The following SYNDIG1L variants were observed in gnomAD, a reference collection of about 807,000 sequenced individuals.
The protein encoded by SYNDIG1L is synapse differentiation inducing 1 like, also known as synapse differentiation-inducing gene protein 1-like.
In SYNDIG1L, 13 loss-of-function variants were observed where a neutral mutation model predicts 20.1. That is an observed-to-expected ratio of 0.65 (90% CI 0.42 to 1.03). The LOEUF (loss-of-function observed/expected upper bound fraction) is 1.03. Ranked by LOEUF, SYNDIG1L falls within the 50% of genes least tolerant of loss-of-function variation. SYNDIG1L has a pLI of 0.00. For synonymous variants in SYNDIG1L, 128 were observed against 129.3 expected (o/e 0.99, Z 0.07); for missense variants, 294 against 305.1 (o/e 0.96, Z 0.27).
At chr14:74,462,488 G>GA in the SYNDIG1L span, among the ~76,000 whole-genome samples, 3 of 147,508 alleles carry the variant, frequency 2.0e-5, no homozygotes, top group South Asian at 2.2e-4. Flanking sequence ...TATCTCAAAA[G>GA]AAAAAAAAAA....
chr14:74,431,820 G>A, the SYNDIG1L span, among the ~76,000 whole-genome samples: 1 of 152,174 alleles, frequency 6.6e-6, no homozygotes, highest in East Asian at 1.9e-4. Flanking sequence ...CAACTTCTCC[G>A]CTAGATCAGG....
At chr14:74,408,947 T>C (rs964623970) in intron 2 of SYNDIG1L, among the ~76,000 whole-genome samples, 1 of 152,184 alleles carries the variant, frequency 6.6e-6, no homozygotes, top group Non-Finnish European at 1.5e-5. Context: ...CGGCTGTACA[T>C]GTGTCCCAAG....
chr14:74,467,346 G>T, the SYNDIG1L span, among the ~76,000 whole-genome samples: 4 of 152,094 alleles, frequency 2.6e-5, no homozygotes, highest in South Asian at 8.3e-4. Flanking sequence ...GTGGAGTTAG[G>T]AGTCAGGTCC....
upstream of SYNDIG1L, among the ~76,000 whole-genome samples, chr14:74,427,277 G>A (rs1448989767): frequency 6.6e-6 from 1 of 152,140 alleles, no homozygotes; most frequent in African/African-American, 2.4e-5. Context: ...GTGTGGGTTT[G>A]CAAAGTAAAC....
chr14:74,439,877 C>G, the SYNDIG1L span, among the ~76,000 whole-genome samples: 15 of 132,164 alleles, frequency 1.1e-4, no homozygotes, highest in Non-Finnish European at 2.0e-4. Context: ...GAAACTCCAT[C>G]TCAAAAAAAA....
chr14:74,408,945 C>A (rs1219369103), intron 2 of SYNDIG1L, among the ~76,000 whole-genome samples: 1 of 152,124 alleles, frequency 6.6e-6, no homozygotes, highest in African/African-American at 2.4e-5. Context: ...ATCGGCTGTA[C>A]ATGTGTCCCA....
chr14:74,436,589 G>T, the SYNDIG1L span, among the ~76,000 whole-genome samples: 3 of 151,648 alleles, frequency 2.0e-5, no homozygotes, highest in African/African-American at 7.3e-5. Flanking sequence ...TGGCTCACAC[G>T]TGTAATCCCA....
At chr14:74,420,326 G>C (rs2086211385) in intron 1 of SYNDIG1L, among the ~76,000 whole-genome samples, 1 of 151,120 alleles carries the variant, frequency 6.6e-6, no homozygotes. Context: ...AACCTGGGAG[G>C]CGGAGGTTGC....
chr14:74,454,524 C>T, the SYNDIG1L span, among the ~76,000 whole-genome samples: 10 of 152,152 alleles, frequency 6.6e-5, no homozygotes, highest in African/African-American at 2.2e-4. Flanking sequence ...AAGCTGGAGC[C>T]GCTTCCTTTT....
At chr14:74,416,762 G>T (rs1019225693) in intron 1 of SYNDIG1L, among the ~76,000 whole-genome samples, 1 of 152,192 alleles carries the variant, frequency 6.6e-6, no homozygotes, top group African/African-American at 2.4e-5. Context: ...TAAAAGGATG[G>T]AATAATAATA....
intron 2 of SYNDIG1L, 87 bp downstream of exon 2, chr14:74,409,241 G>T: frequency 9.6e-7 from 1 of 1,038,460 alleles, no homozygotes; most frequent in Non-Finnish European, 1.4e-6. Flanking sequence ...ACCACGCCAG[G>T]CTAATTTTCA....
chr14:74,422,660 C>T (rs2086231793), intron 1 of SYNDIG1L, among the ~76,000 whole-genome samples: 1 of 150,958 alleles, frequency 6.6e-6, no homozygotes, highest in African/African-American at 2.4e-5. Flanking sequence ...TCTTCACACA[C>T]ACACACACAC....
chr14:74,467,275 C>A, the SYNDIG1L span, among the ~76,000 whole-genome samples: 1 of 152,108 alleles, frequency 6.6e-6, no homozygotes, highest in Non-Finnish European at 1.5e-5. Context: ...CCTATTATTT[C>A]CTTTCAGAAG....
upstream of SYNDIG1L, among the ~76,000 whole-genome samples, chr14:74,426,695 CT>C (rs2086269386): frequency 6.6e-6 from 1 of 151,568 alleles, no homozygotes; most frequent in African/African-American, 2.4e-5. Context: ...TATAGTGCCC[CT>C]CTTCCCCTCT....
chr14:74,454,799 G>C, the SYNDIG1L span, among the ~76,000 whole-genome samples: 44 of 152,282 alleles, frequency 2.9e-4, no homozygotes, highest in African/African-American at 1.0e-3. Context: ...TTTCCCTATA[G>C]TTTTTCCCAC....
intron 1 of SYNDIG1L, among the ~76,000 whole-genome samples, chr14:74,417,064 G>A (rs1447768700): frequency 6.6e-6 from 1 of 152,218 alleles, no homozygotes; most frequent in Non-Finnish European, 1.5e-5. Context: ...GCCATGCCAA[G>A]TGCTTCAAAT....
the SYNDIG1L span, among the ~76,000 whole-genome samples, chr14:74,451,377 T>A: frequency 1.3e-5 from 2 of 152,190 alleles, no homozygotes; most frequent in African/African-American, 2.4e-5. Flanking sequence ...AATAAAGACA[T>A]ACAAATGTTC....
intron 2 of SYNDIG1L, 77 bp downstream of exon 2, chr14:74,409,251 A>AT: frequency 4.4e-6 from 5 of 1,130,882 alleles, no homozygotes; most frequent in Admixed American, 2.7e-5. Flanking sequence ...GCTAATTTTC[A>AT]ATTTTTTTTT....
At chr14:74,470,737 T>A in the SYNDIG1L span, among the ~76,000 whole-genome samples, 14 of 152,352 alleles carry the variant, frequency 9.2e-5, no homozygotes, top group South Asian at 2.9e-3. Flanking sequence ...ACTGCTGCTC[T>A]TCAAGGCTCA....
Sources: gnomAD v4.1 joint callset for allele counts (sites outside exome capture counted in the v4.1 genomes callset) on GRCh38, gnomAD v4.1.1 for gene constraint, MANE v1.5 for transcripts, NCBI Gene and HGNC (gene_info 2026-07-23, HGNC 2026-07-21) for gene names.